ABCA12: variants seen among roughly 807,000 people sequenced by gnomAD.
ABCA12 encodes ATP binding cassette subfamily A member 12, also known as glucosylceramide transporter ABCA12.
A neutral mutation model predicts 293.5 loss-of-function variants in ABCA12; 156 were observed. The ratio of observed to expected loss-of-function variants is 0.53; its 90% CI spans 0.47 to 0.61. ABCA12 has a LOEUF of 0.61. Ranked by LOEUF, ABCA12 falls within the 20% of genes least tolerant of loss-of-function variation. ABCA12 has a pLI of 0.00. For synonymous variants in ABCA12, 1,063 were observed against 1,108.0 expected, an observed-to-expected ratio of 0.96 and a Z score of 0.81; for missense variants, 2,797 against 3,090.2, an observed-to-expected ratio of 0.91 and a Z score of 2.25.
chr2:214,978,503 A>C (rs776267045), intron 32 of ABCA12, 37 bp from the exon 33 acceptor site: 6 of 1,604,904 alleles, frequency 3.7e-6, no homozygotes, highest in Non-Finnish European at 5.1e-6. Context: ...TTAACATGAA[A>C]AGTGCATGTC....
At chr2:215,064,689 A>ACACG (rs200251067) in intron 2 of ABCA12, among the ~76,000 whole-genome samples, 1 of 108,080 alleles carries the variant, frequency 9.3e-6, no homozygotes, top group Non-Finnish European at 1.8e-5. Flanking sequence ...ATCTTTTAAT[A>ACACG]CACGCACACA....
rs536307127 is a variant in ABCA12, at chr2:215,088,883, AT to A, written c.163+22713del. Among the ~76,000 whole-genome samples, 61 of 152,032 alleles carry A rather than the reference AT, an allele frequency of 4.0e-4. No homozygotes were observed. In the South Asian group the frequency reaches 4.8e-3, roughly 12 times the overall value. On this transcript the variant is annotated intron_variant, in intron 2 of 52. Coordinates refer to ENST00000272895, the MANE Select transcript of ABCA12 (RefSeq NM_173076.3). ...GAGCTTTAGTAGCAAAAAAGGGTTA[AT>A]TTTTTTTGAAACTTTATTGATTCAT...
chr2:214,950,358 A>G (rs1007590251), intron 45 of ABCA12, among the ~76,000 whole-genome samples: 2 of 108,234 alleles, frequency 1.8e-5, no homozygotes. Flanking sequence ...GTGTGTATAT[A>G]TATATATGTG....
Position 214,979,398 on chromosome 2 carries a change from C to A in ABCA12, c.4741-358G>T, listed in dbSNP as rs138055378. 4.4e-3 allele frequency among the ~76,000 whole-genome samples: 669 copies of A among 152,268 alleles called. 5 individuals are homozygous for A. Among genetic ancestry groups the A allele is most frequent in the African/African-American group, 0.015 (622 of 41,550 alleles). On this transcript the variant is annotated intron_variant, in intron 31 of 52. Transcript: ENST00000272895. ...GATGTGTCCCATTCTCTCACCACCTCCAACTCTCAGCTCAACTGTCACTTT... is the reference window on the plus strand; with the variant it reads ...GATGTGTCCCATTCTCTCACCACCTACAACTCTCAGCTCAACTGTCACTTT...
intron 2 of ABCA12, among the ~76,000 whole-genome samples, chr2:215,081,519 G>T (rs1022976639): frequency 7.1e-5 from 10 of 140,228 alleles, no homozygotes; most frequent in Admixed American, 6.4e-4. Context: ...AAAGAAAAAA[G>T]AAAAAGTAAA....
intron 49 of ABCA12, 145 bp downstream of exon 49, chr2:214,944,856 A>G: frequency 1.6e-6 from 1 of 625,054 alleles, no homozygotes; most frequent in South Asian, 1.9e-5. Flanking sequence ...ATTTGTGTGT[A>G]TATATTTTGT....
At chr2:215,072,879 G>C (rs779421816) in intron 2 of ABCA12, among the ~76,000 whole-genome samples, 1 of 152,110 alleles carries the variant, frequency 6.6e-6, no homozygotes, top group African/African-American at 2.4e-5. Flanking sequence ...GGCGGATCAC[G>C]AGGTCAGGAG....
intron 44 of ABCA12, among the ~76,000 whole-genome samples, chr2:214,953,252 C>T (rs1360463031): frequency 6.6e-6 from 1 of 152,070 alleles, no homozygotes; most frequent in Non-Finnish European, 1.5e-5. Context: ...TTAAACTAGT[C>T]CCTAAATGAA....
chr2:215,000,925 T>A lies in ABCA12; in HGVS notation c.2959A>T (p.Met987Leu). ...GTGGTCTGTGCGGTCTTGAGACTCA[T>A]CCGGATGGTATATTTTATGACAGGA... ...LPPVIKYTIR[M>L]SLKTAQTTRS... The change falls in exon 22 of 53, where the codon ATG becomes TTG. Residue 987 changes from methionine (M) to leucine (L), a missense_variant. Met to Leu is a conservative substitution (Grantham distance 15, BLOSUM62 2). Coordinates refer to ENST00000272895, the MANE Select transcript of ABCA12 (RefSeq NM_173076.3). The A allele has an allele frequency of 6.2e-7, 1 of 1,614,080 alleles. No homozygotes were observed. The highest frequency in any genetic ancestry group is 8.5e-7 in the Non-Finnish European group (1 of 1,179,992).
intron 1 of ABCA12, among the ~76,000 whole-genome samples, chr2:215,120,463 A>T (rs541478124): frequency 1.3e-5 from 2 of 152,314 alleles, no homozygotes; most frequent in East Asian, 3.9e-4. Context: ...TGCAAGAGAA[A>T]GATAAAGAAA....
intron 2 of ABCA12, among the ~76,000 whole-genome samples, chr2:215,095,368 C>T (rs2372485): frequency 0.77 from 116,913 of 152,036 alleles, 47,012 homozygotes; most frequent in Non-Finnish European, 0.9. Flanking sequence ...TTCTCTTATT[C>T]GGACCTTGTG....
chr2:215,097,040 G>A lies in ABCA12; in HGVS notation c.163+14557C>T, dbSNP rs1046093564. On this transcript the variant is annotated intron_variant, in intron 2 of 52. Transcript: ENST00000272895. Reference sequence around the variant, plus strand: ...TAGATCCTATGAAGGGAAGACCAGAGGCACAAACATCAAATAAATGCATAC... The same window carrying A: ...TAGATCCTATGAAGGGAAGACCAGAAGCACAAACATCAAATAAATGCATAC... 2.6e-5 allele frequency among the ~76,000 whole-genome samples: 4 copies of A among 152,242 alleles called. No individual in the cohort carries two copies. The South Asian group carries it at 6.2e-4, about 24-fold the overall frequency.
intron 44 of ABCA12, among the ~76,000 whole-genome samples, chr2:214,952,603 T>A (rs1698814833): frequency 6.6e-6 from 1 of 152,168 alleles, no homozygotes; most frequent in Admixed American, 6.5e-5. Flanking sequence ...CTAAAACTGC[T>A]CCAGGGTCTC....
chr2:215,125,651 G>A (rs1394632674), intron 1 of ABCA12, among the ~76,000 whole-genome samples: 1 of 151,970 alleles, frequency 6.6e-6, no homozygotes, highest in East Asian at 1.9e-4. Context: ...TCTTGTATCC[G>A]GAAACTTCAC....
chr2:215,089,637 G>T (rs752565374), intron 2 of ABCA12, among the ~76,000 whole-genome samples: 1 of 152,138 alleles, frequency 6.6e-6, no homozygotes, highest in Non-Finnish European at 1.5e-5. Context: ...AAGATTTTAG[G>T]ACTAACTTAG....
At chr2:214,958,981 C>T in intron 40 of ABCA12, 43 bp downstream of exon 40, 1 of 1,573,500 alleles carries the variant, frequency 6.4e-7, no homozygotes, top group Non-Finnish European at 8.7e-7. Flanking sequence ...AAAGGCTCAG[C>T]TATGTCAAGG....
intron 42 of ABCA12, 75 bp from the exon 43 acceptor site, chr2:214,955,436 CT>C: frequency 6.9e-7 from 1 of 1,448,464 alleles, no homozygotes; most frequent in Non-Finnish European, 9.6e-7. Flanking sequence ...AATCCTAACA[CT>C]TTAGGAGGCT....
intron 11 of ABCA12, among the ~76,000 whole-genome samples, chr2:215,024,533 CA>C (rs1183934055): frequency 1.3e-5 from 2 of 152,124 alleles, no homozygotes; most frequent in Non-Finnish European, 2.9e-5. Context: ...GATGAATGCA[CA>C]ATTTCCTTCT....
At chr2:215,115,724 T>C (rs971269027) in intron 1 of ABCA12, among the ~76,000 whole-genome samples, 2 of 152,246 alleles carry the variant, frequency 1.3e-5, no homozygotes, top group Admixed American at 6.5e-5. Context: ...CATTCTGTTC[T>C]CTTTTTCTTC....
Sources: gnomAD v4.1 joint callset for allele counts (sites outside exome capture counted in the v4.1 genomes callset) on GRCh38, gnomAD v4.1.1 for gene constraint, MANE v1.5 for transcripts, NCBI Gene and HGNC (gene_info 2026-07-23, HGNC 2026-07-21) for gene names.